Variants in PHF14 observed in about 807,000 individuals in gnomAD.
The protein encoded by PHF14 is PHD finger protein 14.
In PHF14, 55 loss-of-function variants were observed where a neutral mutation model predicts 117.9. The ratio of observed to expected loss-of-function variants is 0.47; its 90% CI spans 0.38 to 0.58. The LOEUF is 0.58. Among genes scored for constraint, PHF14 ranks in the 20% least tolerant of loss-of-function variants. The pLI is 0.00. For missense variants in PHF14, 978 were observed against 1,122.2 expected, an observed-to-expected ratio of 0.87 and a Z score of 1.84; for synonymous variants, 409 against 368.6, an observed-to-expected ratio of 1.11 and a Z score of -1.26.
At chr7:11,156,994 A>G (rs548145949) in intron 17 of PHF14, among the ~76,000 whole-genome samples, 14 of 152,304 alleles carry the variant, frequency 9.2e-5, no homozygotes, top group African/African-American at 3.1e-4. Context: ...TCTGTAGCAT[A>G]GTAATCATAA....
At chr7:11,029,677 G>A (rs974506910) in intron 7 of PHF14, among the ~76,000 whole-genome samples, 3 of 152,084 alleles carry the variant, frequency 2.0e-5, no homozygotes, top group Non-Finnish European at 2.9e-5. Flanking sequence ...TAGGGTAACT[G>A]TCTAAAATAT....
intron 10 of PHF14, 108 bp downstream of exon 10, chr7:11,037,199 C>A: frequency 1.1e-6 from 1 of 934,180 alleles, no homozygotes; most frequent in Non-Finnish European, 1.5e-6. Context: ...TCTTCTGGAG[C>A]TCTTTGGCTC....
At chr7:11,131,235 G>A (rs1424299715) in intron 17 of PHF14, among the ~76,000 whole-genome samples, 1 of 151,802 alleles carries the variant, frequency 6.6e-6, no homozygotes, top group African/African-American at 2.4e-5. Context: ...GAGTGTGTTT[G>A]GCTGCCAAAC....
At chr7:11,079,664 A>G (rs7786566) in intron 16 of PHF14, among the ~76,000 whole-genome samples, 3,999 of 151,700 alleles carry the variant, frequency 0.026, 168 homozygotes, top group African/African-American at 0.092. Flanking sequence ...ACTAAATTCT[A>G]TAATATGACT....
Position 11,062,043 on chromosome 7 carries a change from G to A in PHF14, c.2612G>A (p.Cys871Tyr), listed in dbSNP as rs1785242976. 6.2e-7 allele frequency: 1 copy of A among 1,608,230 alleles called. No homozygotes were observed. The highest frequency in any genetic ancestry group is 1.1e-5 in the South Asian group (1 of 89,708). ...AAGGCTGAAGATTTAAGAACTGAAT[G>A]TGCAACTTGCAAGGGAACTGGAGAC... is the stretch of plus-strand genomic sequence containing the variant. ...KPKAEDLRTE[C>Y]ATCKGTGDNE... Residue 871 changes from cysteine to tyrosine, a missense_variant, in exon 16 of 18, where the codon TGT becomes TAT. By Grantham distance (194) the Cys-to-Tyr change is radical (BLOSUM62 -2). Coordinates refer to ENST00000634607, the MANE Select transcript of PHF14 (RefSeq NM_001007157.2).
intron 13 of PHF14, among the ~76,000 whole-genome samples, chr7:11,045,037 A>G (rs1258735785): frequency 1.3e-5 from 2 of 152,172 alleles, no homozygotes; most frequent in Non-Finnish European, 2.9e-5. Flanking sequence ...TCAACCTATG[A>G]TAGTTGCTAC....
At chr7:11,167,835 C>T (rs1789245600) in intron 17 of PHF14, among the ~76,000 whole-genome samples, 1 of 152,086 alleles carries the variant, frequency 6.6e-6, no homozygotes, top group South Asian at 2.1e-4. Context: ...CGAGACCATC[C>T]TGGCTAACAC....
At chr7:11,086,178 C>G (rs572914057) in intron 16 of PHF14, among the ~76,000 whole-genome samples, 1 of 152,244 alleles carries the variant, frequency 6.6e-6, no homozygotes, top group South Asian at 2.1e-4. Context: ...ATCCAGTTGT[C>G]TTACTAAAAC....
intron 17 of PHF14, among the ~76,000 whole-genome samples, chr7:11,112,090 G>A (rs1346545160): frequency 6.6e-6 from 1 of 151,940 alleles, no homozygotes; most frequent in Non-Finnish European, 1.5e-5. Context: ...AGTTTATTTT[G>A]TGGTTTGTTA....
intron 16 of PHF14, among the ~76,000 whole-genome samples, chr7:11,075,361 C>T (rs1346734800): frequency 5.9e-5 from 9 of 152,056 alleles, no homozygotes; most frequent in Non-Finnish European, 1.2e-4. Context: ...ATTTGGCCCA[C>T]GGATCTGCCG....
intron 17 of PHF14, among the ~76,000 whole-genome samples, chr7:11,157,845 ACT>A (rs1788911939): frequency 6.6e-6 from 1 of 152,118 alleles, no homozygotes; most frequent in African/African-American, 2.4e-5. Context: ...ATTTTCCATA[ACT>A]CTGATTGCCT....
intron 6 of PHF14, among the ~76,000 whole-genome samples, chr7:11,026,719 C>CT (rs1350105352): frequency 7.0e-6 from 1 of 143,724 alleles, no homozygotes; most frequent in Non-Finnish European, 1.5e-5. Context: ...TTAGTTGAAG[C>CT]TTGTTTTTTT....
At chr7:11,024,420 A>G (rs1430938514) in intron 6 of PHF14, among the ~76,000 whole-genome samples, 3 of 152,228 alleles carry the variant, frequency 2.0e-5, no homozygotes, top group African/African-American at 7.2e-5. Context: ...TTCAATGTAG[A>G]TGAAACAGTC....
intron 14 of PHF14, among the ~76,000 whole-genome samples, chr7:11,054,249 G>C (rs952419402): frequency 1.3e-5 from 2 of 152,072 alleles, no homozygotes; most frequent in Non-Finnish European, 2.9e-5. Context: ...CCTAGAGCTA[G>C]TATAGACTTT....
At chr7:11,109,151 T>A (rs1365085211) in intron 16 of PHF14, 4 of 151,850 alleles carry the variant, frequency 2.6e-5, no homozygotes, top group African/African-American at 9.7e-5. Context: ...TCAGTAAGTT[T>A]TAGTGGTCTG....
chr7:11,046,535 A>G (rs1285438455), intron 13 of PHF14, among the ~76,000 whole-genome samples: 1 of 152,156 alleles, frequency 6.6e-6, no homozygotes, highest in Non-Finnish European at 1.5e-5. Flanking sequence ...TTGTTCATTT[A>G]CATTTTTTTA....
intron 14 of PHF14, among the ~76,000 whole-genome samples, chr7:11,055,285 A>C (rs557422184): frequency 1.3e-5 from 2 of 152,308 alleles, no homozygotes; most frequent in East Asian, 3.9e-4. Context: ...CATATTTTCT[A>C]ATACTCTAAT....
Position 10,985,638 on chromosome 7 carries a change from GTTTTTTTTT to G in PHF14, c.900+2502_900+2510del, listed in dbSNP as rs61250143. 2.8e-4 allele frequency among the ~76,000 whole-genome samples: 13 copies of G among 45,962 alleles called. No individual in the cohort carries two copies. The East Asian group carries it at 3.0e-3, about 11-fold the overall frequency. 30.2% of individuals were successfully genotyped at this position (45,962 alleles called of 152,430 possible). ...ACTCTCTAGCAGTGATTCTCAAACT[GTTTTTTTTT>G]TTTTTTTTTTTTTTTTTTTTTTGGA... is the stretch of plus-strand genomic sequence containing the variant. On this transcript the variant is annotated intron_variant, in intron 3 of 17. Transcript: ENST00000634607.
At chr7:10,981,381 G>A (rs1261357141) in intron 2 of PHF14, among the ~76,000 whole-genome samples, 4 of 151,770 alleles carry the variant, frequency 2.6e-5, no homozygotes, top group Admixed American at 6.6e-5. Context: ...TTTATTTCTC[G>A]CTTCAAAGAT....
Sources: gnomAD v4.1 joint callset for allele counts (sites outside exome capture counted in the v4.1 genomes callset) on GRCh38, gnomAD v4.1.1 for gene constraint, MANE v1.5 for transcripts, NCBI Gene and HGNC (gene_info 2026-07-23, HGNC 2026-07-21) for gene names.